IGF1R: variants seen among roughly 807,000 people sequenced by gnomAD.
The protein encoded by IGF1R is insulin like growth factor 1 receptor.
A neutral mutation model predicts 144.6 loss-of-function variants in IGF1R; 44 were observed. That is an observed-to-expected ratio of 0.30 (90% CI 0.24 to 0.39). IGF1R has a LOEUF of 0.39. IGF1R is among the 10% of genes least tolerant of loss of function. The pLI, the probability that IGF1R is intolerant of heterozygous loss-of-function variation, is 1.00. For synonymous variants in IGF1R, 795 were observed against 722.8 expected, an observed-to-expected ratio of 1.10 and a Z score of -1.60; for missense variants, 1,355 against 1,833.7, an observed-to-expected ratio of 0.74 and a Z score of 4.77.
At chr15:98,946,203 C>A (rs773792381) in intron 19 of IGF1R, among the ~76,000 whole-genome samples, 2 of 45,494 alleles carry the variant, frequency 4.4e-5, no homozygotes, top group Non-Finnish European at 8.2e-5. Context: ...CGGGGCGGGG[C>A]GGGGCAGGGG....
At chr15:98,745,182 A>T (rs1406380670) in intron 2 of IGF1R, among the ~76,000 whole-genome samples, 2 of 152,246 alleles carry the variant, frequency 1.3e-5, no homozygotes, top group Admixed American at 1.3e-4. Flanking sequence ...GTATCTGTGT[A>T]TCCATTTACT....
intron 2 of IGF1R, among the ~76,000 whole-genome samples, chr15:98,743,655 T>G (rs1420521447): frequency 6.6e-6 from 1 of 152,176 alleles, no homozygotes; most frequent in African/African-American, 2.4e-5. Flanking sequence ...GGGTTTTGTC[T>G]TCACCAAAGG....
At chr15:98,933,826 A>G (rs1296208013) in intron 15 of IGF1R, among the ~76,000 whole-genome samples, 4 of 152,046 alleles carry the variant, frequency 2.6e-5, no homozygotes, top group Non-Finnish European at 5.9e-5. Context: ...GCTGGGCACC[A>G]CCGGGTCTCT....
At chr15:98,948,441 G>T in intron 19 of IGF1R, 133 bp from the exon 20 acceptor site, 1 of 932,494 alleles carries the variant, frequency 1.1e-6, no homozygotes, top group African/African-American at 1.6e-5. Context: ...GGCCTGGCTC[G>T]CTGTCTGACA....
At chr15:98,655,276 T>C (rs2052457685) in intron 1 of IGF1R, among the ~76,000 whole-genome samples, 1 of 152,234 alleles carries the variant, frequency 6.6e-6, no homozygotes, top group Non-Finnish European at 1.5e-5. Context: ...TTTGGTTTTA[T>C]TTGACTCAAA....
intron 1 of IGF1R, among the ~76,000 whole-genome samples, chr15:98,662,166 A>G (rs143615446): frequency 2.0e-5 from 3 of 150,894 alleles, no homozygotes; most frequent in African/African-American, 7.3e-5. Flanking sequence ...TTTCTAGTAG[A>G]GACGGGGTTT....
chr15:98,854,777 G>C (rs2011702947), intron 2 of IGF1R, among the ~76,000 whole-genome samples: 1 of 152,186 alleles, frequency 6.6e-6, no homozygotes, highest in Admixed American at 6.5e-5. Context: ...AGCTTTGAGT[G>C]ACACCCAGTG....
Position 98,948,699 on chromosome 15 carries a change from C to T in IGF1R, c.3713C>T (p.Pro1238Leu), listed in dbSNP as rs2016651788. ...CTTCTGGACAAGCCAGACAACTGTC[C>T]TGACATGCTGTACGTACTTCCTGGG... ...GGLLDKPDNC[P>L]DMLFELMRMC... The change falls in exon 20 of 21, where the codon CCT becomes CTT. Residue 1238 changes from proline (P) to leucine (L), a missense_variant. Pro to Leu is a moderately conservative substitution (Grantham distance 98). This residue lies in a region of IGF1R where 219 missense variants were observed against 188.8 expected (regional missense o/e 1.16). Transcript: ENST00000650285. 3 of 1,614,166 alleles carry T rather than the reference C, an allele frequency of 1.9e-6. No individual in the cohort carries two copies. The highest frequency in any genetic ancestry group is 2.5e-6 in the Non-Finnish European group (3 of 1,180,032).
intron 2 of IGF1R, among the ~76,000 whole-genome samples, chr15:98,804,300 T>C (rs1255583993): frequency 1.3e-5 from 2 of 152,218 alleles, no homozygotes; most frequent in Non-Finnish European, 2.9e-5. Context: ...TAGAATGCCA[T>C]GAAATATCTA....
chr15:98,939,157 A>G, intron 17 of IGF1R, 44 bp from the exon 18 acceptor site: 1 of 1,583,950 alleles, frequency 6.3e-7, no homozygotes, highest in Non-Finnish European at 8.7e-7. Context: ...CATGGAAAAA[A>G]AAAATCCAAA....
intron 5 of IGF1R, among the ~76,000 whole-genome samples, chr15:98,904,522 G>A (rs1440337876): frequency 6.6e-6 from 1 of 152,202 alleles, no homozygotes; most frequent in African/African-American, 2.4e-5. Context: ...TATTGGATTT[G>A]GGGGAGAGTG....
intron 2 of IGF1R, among the ~76,000 whole-genome samples, chr15:98,781,236 T>C (rs2063671): frequency 0.93 from 142,018 of 152,344 alleles, 66,302 homozygotes; most frequent in East Asian, 1. Context: ...AAAACAATTT[T>C]AGTACTTCTG....
chr15:98,711,338 T>C (rs1421002111), intron 2 of IGF1R, among the ~76,000 whole-genome samples: 1 of 152,214 alleles, frequency 6.6e-6, no homozygotes, highest in Non-Finnish European at 1.5e-5. Context: ...CAAGGGTGTG[T>C]GTGAAATCGT....
At chr15:98,703,902 C>T (rs1375038853) in intron 1 of IGF1R, among the ~76,000 whole-genome samples, 1 of 152,210 alleles carries the variant, frequency 6.6e-6, no homozygotes, top group South Asian at 2.1e-4. Flanking sequence ...ACAGGTTGAG[C>T]CTGTCTAATC....
chr15:98,928,250 C>T (rs1447123547), intron 13 of IGF1R, among the ~76,000 whole-genome samples: 1 of 152,180 alleles, frequency 6.6e-6, no homozygotes, highest in East Asian at 1.9e-4. Flanking sequence ...CTTACCAAGC[C>T]AGATCATCTC....
chr15:98,943,206 G>A (rs1013337543), intron 19 of IGF1R, among the ~76,000 whole-genome samples, 154 bp downstream of exon 19: 22 of 152,172 alleles, frequency 1.4e-4, no homozygotes, highest in African/African-American at 5.3e-4. Flanking sequence ...CATCATTGAG[G>A]TGTTCCTGTT....
chr15:98,882,235 A>G (rs1167729784), intron 2 of IGF1R, among the ~76,000 whole-genome samples: 1 of 152,154 alleles, frequency 6.6e-6, no homozygotes, highest in Non-Finnish European at 1.5e-5. Context: ...TGAAAGTCTG[A>G]CCTGTACAAA....
At chr15:98,955,688 C>T (rs1449275640) in intron 20 of IGF1R, among the ~76,000 whole-genome samples, 1 of 152,218 alleles carries the variant, frequency 6.6e-6, no homozygotes, top group Non-Finnish European at 1.5e-5. Context: ...GCCATAGGAG[C>T]CCTTCTCTTG....
chr15:98,772,717 C>CTTAG (rs2055619421), intron 2 of IGF1R, among the ~76,000 whole-genome samples: 1 of 151,516 alleles, frequency 6.6e-6, no homozygotes, highest in Admixed American at 6.6e-5. Flanking sequence ...TAGGCACTAG[C>CTTAG]CACTGTGCCC....
Sources: gnomAD v4.1 joint callset for allele counts (sites outside exome capture counted in the v4.1 genomes callset) on GRCh38, gnomAD v4.1.1 for gene constraint, gnomAD v4.1.1 regional missense constraint, MANE v1.5 for transcripts, NCBI Gene and HGNC (gene_info 2026-07-23, HGNC 2026-07-21) for gene names.